RAB37: variants seen among roughly 807,000 people sequenced by gnomAD.
RAB37 encodes the protein ras-related protein Rab-37.
A neutral mutation model predicts 33.1 loss-of-function variants in RAB37; 29 were observed. The ratio of observed to expected loss-of-function variants is 0.88; its 90% CI spans 0.65 to 1.20. The LOEUF (loss-of-function observed/expected upper bound fraction) is 1.20, where lower values mean the gene tolerates loss of function less well. Among genes scored for constraint, RAB37 ranks in the 50% most tolerant of loss-of-function variants. RAB37 has a pLI of 0.00. For synonymous variants in RAB37, 128 were observed against 119.5 expected (o/e 1.07, Z -0.47); for missense variants, 299 against 301.1 (o/e 0.99, Z 0.05).
At chr17:74,699,457 G>A (rs1359744921) in intron 1 of RAB37, among the ~76,000 whole-genome samples, 1 of 152,144 alleles carries the variant, frequency 6.6e-6, no homozygotes, top group Non-Finnish European at 1.5e-5. Context: ...TGATTAGCAT[G>A]GGCCCTGATC....
intron 1 of RAB37, among the ~76,000 whole-genome samples, chr17:74,682,569 C>T (rs62084865): frequency 0.58 from 87,988 of 152,072 alleles, 30,737 homozygotes; most frequent in Middle Eastern, 0.79. Context: ...ATGTCCACCC[C>T]GAAGGTGGAG....
rs1378433873 is a variant in RAB37, at chr17:74,746,373, A to T, written c.*962A>T. 4 of 152,156 alleles carry T rather than the reference A, an allele frequency of 2.6e-5. No homozygotes were observed. Among genetic ancestry groups the T allele is most frequent in the Admixed American group, 6.5e-5 (1 of 15,272 alleles). 9.4% of individuals were successfully genotyped at this position (152,156 alleles called of 1,614,324 possible). ...GAAGTAGCTGGGACTATAGGTGTGT[A>T]CCATCACACCTGGCTAATTTTTGTA... On this transcript the variant is annotated 3_prime_UTR_variant, in exon 9 of 9. Coordinates refer to ENST00000392613, the MANE Select transcript of RAB37 (RefSeq NM_001006638.3). This position sits in a 1 kb window ranked among gnomAD's most constrained non-coding sequence, Gnocchi z 5.2.
At chr17:74,696,855 A>G (rs961161909) in intron 1 of RAB37, among the ~76,000 whole-genome samples, 1 of 151,930 alleles carries the variant, frequency 6.6e-6, no homozygotes, top group Admixed American at 6.6e-5. Flanking sequence ...CTGTCCCCCA[A>G]CCCCGAGTAG....
Position 74,739,476 on chromosome 17 carries a change from A to ACATCTCC in RAB37, c.94-1290_94-1284dup, listed in dbSNP as rs981228214. ...TTCTGCTGAAAGAACTTCCAACTAC[A>ACATCTCC]CATCTCCCCACTTCAGTATAAATTT... On this transcript the variant is annotated intron_variant, in intron 1 of 8. Coordinates refer to ENST00000392613, the MANE Select transcript of RAB37 (RefSeq NM_001006638.3). Among the ~76,000 whole-genome samples the ACATCTCC allele has an allele frequency of 2.9e-4, 42 of 145,580 alleles. 1 individual carries two copies. The highest frequency in any genetic ancestry group is 8.6e-4 in the African/African-American group (34 of 39,324).
intron 1 of RAB37, among the ~76,000 whole-genome samples, chr17:74,716,223 C>G (rs5018105): frequency 0.17 from 26,298 of 152,092 alleles, 2,548 homozygotes; most frequent in East Asian, 0.32. Context: ...TCCCTGTCCC[C>G]ATATGTGAAA....
At chr17:74,706,526 G>A (rs968869450) in intron 1 of RAB37, among the ~76,000 whole-genome samples, 5 of 151,966 alleles carry the variant, frequency 3.3e-5, no homozygotes, top group African/African-American at 1.2e-4. Context: ...AAATTAGCCT[G>A]GCATGATGGC....
At position 74,744,683 on chromosome 17, in the gene RAB37, C is replaced by G. The variant is rs1331579357; in HGVS notation, c.433-190C>G. Reference sequence around the variant, plus strand: ...CCCAACTGCTGTCCTATTCCAAGACCCTTTACCAAAGGTGAGATCCCAGAG... The same window carrying G: ...CCCAACTGCTGTCCTATTCCAAGACGCTTTACCAAAGGTGAGATCCCAGAG... On this transcript the variant is annotated intron_variant, in intron 6 of 8. Coordinates refer to ENST00000392613, the MANE Select transcript of RAB37 (RefSeq NM_001006638.3). The surrounding 1 kb of genome is among the most constrained non-coding windows in gnomAD (Gnocchi z 4.2). 4.4e-6 allele frequency: 3 copies of G among 687,300 alleles called. No individual in the cohort carries two copies. Among genetic ancestry groups the G allele is most frequent in the African/African-American group, 1.8e-5 (1 of 55,754 alleles). The allele number at this position is 687,300 out of a possible 1,614,324, so 42.6% of individuals were successfully genotyped here.
intron 1 of RAB37, among the ~76,000 whole-genome samples, chr17:74,713,899 CAAAAAAAAA>C (rs55993385): frequency 1.4e-4 from 7 of 51,208 alleles, no homozygotes; most frequent in Admixed American, 3.1e-4. Context: ...TTCATCTCCA[CAAAAAAAAA>C]AAAAAAAAAA....
intron 1 of RAB37, among the ~76,000 whole-genome samples, chr17:74,678,930 A>G (rs770957529): frequency 6.6e-6 from 1 of 152,062 alleles, no homozygotes; most frequent in Non-Finnish European, 1.5e-5. Flanking sequence ...GGCCAGCATG[A>G]GGAAACTCTG....
upstream of RAB37, chr17:74,737,063 T>A (rs2034489847): frequency 4.4e-6 from 7 of 1,608,336 alleles, no homozygotes; most frequent in Non-Finnish European, 5.1e-6. Flanking sequence ...TCAGGGAGGC[T>A]GCCCGCCCCT....
intron 1 of RAB37, chr17:74,694,231 A>G (rs2143516351): frequency 6.6e-6 from 1 of 152,340 alleles, no homozygotes; most frequent in East Asian, 1.9e-4. Context: ...TAGTTACTAC[A>G]TGGGAAGCAT....
At chr17:74,695,070 G>A (rs771994989) in intron 1 of RAB37, 1 of 1,605,062 alleles carries the variant, frequency 6.2e-7, no homozygotes, top group Non-Finnish European at 8.5e-7. Flanking sequence ...ACAGCCTGGG[G>A]TCCAAGAAGG....
In RAB37 at chr17:74,746,864, C is replaced by A. The variant is rs978948838; in HGVS notation, c.*1453C>A. On this transcript the variant is annotated 3_prime_UTR_variant, in exon 9 of 9. Coordinates refer to ENST00000392613, the MANE Select transcript of RAB37 (RefSeq NM_001006638.3). The surrounding 1 kb of genome is among the most constrained non-coding windows in gnomAD (Gnocchi z 5.2). ...TCAGGTTAGGTGGTGGGAGGTCACC[C>A]ATTTCCGAGTTAAACCAATGCAATA... 1 of 152,212 alleles carries A rather than the reference C, an allele frequency of 6.6e-6. No homozygotes were observed. 9.4% of individuals were successfully genotyped at this position (152,212 alleles called of 1,614,324 possible). A position where few individuals can be genotyped will look rare whatever the true frequency, so the allele number is the denominator to read the frequency against.
At chr17:74,737,509 G>A in intron 1 of RAB37, 144 bp downstream of exon 1, 1 of 1,001,404 alleles carries the variant, frequency 1.0e-6, no homozygotes, top group Non-Finnish European at 1.4e-6. Context: ...CAGCCTCTGG[G>A]GCCGTCCCAA....
rs962427222 is a variant in RAB37 at position 74,745,202 on chromosome 17, C to T, written c.567-104C>T. 3.3e-6 allele frequency: 5 copies of T among 1,536,552 alleles called. No homozygotes were observed. The African/African-American group carries it at 6.8e-5, about 21-fold the overall frequency. The stretch of plus-strand genomic sequence containing the variant: ...CACCTGCATTCTGCAGGCTGAGGTC[C>T]ATTTGCTCTGGGAGCACTGGGCCAC... On this transcript the variant is annotated intron_variant, in intron 8 of 8. Transcript: ENST00000392613. This position sits in a 1 kb window ranked among gnomAD's most constrained non-coding sequence, Gnocchi z 4.5.
intron 1 of RAB37, among the ~76,000 whole-genome samples, chr17:74,685,415 T>C (rs2032034536): frequency 6.6e-6 from 1 of 152,218 alleles, no homozygotes; most frequent in African/African-American, 2.4e-5. Context: ...CTCGATCTCA[T>C]GACCTCAAGT....
chr17:74,737,310 G>A lies in RAB37; in HGVS notation c.38G>A (p.Gly13Asp). 1 of 1,577,718 alleles carries A rather than the reference G, an allele frequency of 6.3e-7. No individual in the cohort carries two copies. Residue 13 changes from glycine to aspartate, a missense_variant, in exon 1 of 9, where the codon GGC becomes GAC. By Grantham distance (94) the Gly-to-Asp change is moderately conservative. Coordinates refer to ENST00000392613, the MANE Select transcript of RAB37 (RefSeq NM_001006638.3). ...CCAGGCGCCGTTGCCACCCGGGATG[G>A]CGAGGCCCCCGAGCGCTCCCCGCCC... ...GTPGAVATRDGEAPERSPPCS... is the reference protein window; with the variant it reads ...GTPGAVATRDDEAPERSPPCS...
At position 74,738,169 on chromosome 17, in the gene RAB37, C is replaced by T. The variant is rs1430508108; in HGVS notation, c.93+804C>T. Among the ~76,000 whole-genome samples the T allele has an allele frequency of 6.6e-6, 1 of 152,174 alleles. No individual in the cohort carries two copies. The highest frequency in any genetic ancestry group is 1.5e-5 in the Non-Finnish European group (1 of 68,038). On this transcript the variant is annotated intron_variant, in intron 1 of 8. Coordinates refer to ENST00000392613, the MANE Select transcript of RAB37 (RefSeq NM_001006638.3). The surrounding 1 kb of genome is among the most constrained non-coding windows in gnomAD (Gnocchi z 5.0). Reference sequence around the variant, plus strand: ...CTGCTGAGGGAGCCTAGAGCTTCCACTCTTCCTCTGCAGGGTTGGGGATGG... The same window carrying T: ...CTGCTGAGGGAGCCTAGAGCTTCCATTCTTCCTCTGCAGGGTTGGGGATGG...
chr17:74,689,561 A>T (rs1355131331), intron 1 of RAB37, among the ~76,000 whole-genome samples: 1 of 152,264 alleles, frequency 6.6e-6, no homozygotes, highest in Non-Finnish European at 1.5e-5. Flanking sequence ...GTGAAATTGA[A>T]TAAGAATTTA....
Sources: gnomAD v4.1 joint callset for allele counts (sites outside exome capture counted in the v4.1 genomes callset) on GRCh38, gnomAD v4.1.1 for gene constraint, Gnocchi (gnomAD v3.1) non-coding constraint, MANE v1.5 for transcripts, NCBI Gene and HGNC (gene_info 2026-07-23, HGNC 2026-07-21) for gene names.